Variants in WIPI2 observed in about 807,000 individuals in gnomAD.
The protein encoded by WIPI2 is WD repeat domain phosphoinositide-interacting protein 2.
WIPI2 carries 28 observed loss-of-function variants against 52.3 expected under a neutral mutation model. The ratio of observed to expected loss-of-function variants is 0.54; its 90% confidence interval spans 0.40 to 0.73. The LOEUF (loss-of-function observed/expected upper bound fraction) is 0.73. Among genes scored for constraint, WIPI2 ranks in the 30% least tolerant of loss-of-function variants. The probability of loss-of-function intolerance (pLI) is 0.00; values close to 1 mark genes in which losing one functional copy is unlikely to be tolerated. For missense variants in WIPI2, 506 were observed against 602.9 expected (o/e 0.84, Z 1.68); for synonymous variants, 268 against 245.0 (o/e 1.09, Z -0.88).
Position 5,190,475 on chromosome 7 carries a change from A to G in WIPI2, c.56A>G (p.Asn19Ser), listed in dbSNP as rs762599939. 1.1e-5 allele frequency: 16 copies of G among 1,512,496 alleles called. No individual in the cohort carries two copies. The highest frequency in any genetic ancestry group is 8.5e-5 in the East Asian group (3 of 35,356). 93.7% of individuals were successfully genotyped at this position (1,512,496 alleles called of 1,614,324 possible). The change falls in exon 1 of 13, where the codon AAC (asparagine) becomes AGC (serine). Residue 19 changes from asparagine to serine, a missense_variant. Asn to Ser is a conservative substitution (Grantham distance 46, BLOSUM62 1). This residue lies in a region of WIPI2 where 15 missense variants were observed against 31.3 expected (regional missense o/e 0.48). Coordinates refer to ENST00000288828, the MANE Select transcript of WIPI2 (RefSeq NM_015610.4). ...GGCGCCGGCCAGCTGCTCTTCGCCA[A>G]CTTCAACCAGGACAACACGTAAGGC... is the stretch of plus-strand genomic sequence containing the variant. ...EAGAGQLLFA[N>S]FNQDNTEVKG...
chr7:5,219,063 TCA>T (rs754249677), intron 7 of WIPI2: 6 of 152,250 alleles, frequency 3.9e-5, no homozygotes, highest in Non-Finnish European at 7.3e-5. Context: ...TTCTTCAGTC[TCA>T]CACCCGAGTT....
intron 3 of WIPI2, among the ~76,000 whole-genome samples, chr7:5,202,778 C>T (rs554832747): frequency 2.6e-5 from 4 of 152,210 alleles, no homozygotes; most frequent in South Asian, 2.1e-4. Flanking sequence ...TTTTTGTTGT[C>T]GTCATTTTTT....
In WIPI2 at chr7:5,227,182, C is replaced by T. The variant is rs758960661; in HGVS notation, c.851C>T (p.Pro284Leu). 9 of 1,613,794 alleles carry T rather than the reference C, an allele frequency of 5.6e-6. No individual in the cohort carries two copies. The highest frequency in any genetic ancestry group is 2.2e-5 in the East Asian group (1 of 44,882). ...TGTCTGGTGGCCTTTCCTTCCAGAC[C>T]CCCAGAGGAGCCCACCACCTGGACC... ...IFKLETVKEKPPEEPTTWTGY... is the reference protein window; with the variant it reads ...IFKLETVKEKLPEEPTTWTGY... The change falls in exon 10 of 13, where the codon CCC becomes CTC. Residue 284 changes from proline (P) to leucine (L), a missense_variant and splice_region_variant. Pro to Leu is a moderately conservative substitution (Grantham distance 98). Transcript: ENST00000288828. This position sits in a 1 kb window ranked among gnomAD's most constrained non-coding sequence, Gnocchi z 8.1.
In WIPI2 at chr7:5,227,136, C is replaced by A. The variant is rs1037397124; in HGVS notation, c.849-44C>A. 6.2e-7 allele frequency: 1 copy of A among 1,611,084 alleles called. No homozygotes were observed. Among genetic ancestry groups the A allele is most frequent in the Non-Finnish European group, 8.5e-7 (1 of 1,178,686 alleles). On this transcript the variant is annotated intron_variant, in intron 9 of 12. Coordinates refer to ENST00000288828, the MANE Select transcript of WIPI2 (RefSeq NM_015610.4). The surrounding 1 kb of genome is among the most constrained non-coding windows in gnomAD (Gnocchi z 8.1). Reference sequence around the variant, plus strand: ...TGTGAGTAGGGGGTGGCCGTCCCCCCAGGGAGGGTGCAGCTTCATGTGTCT... The same window carrying A: ...TGTGAGTAGGGGGTGGCCGTCCCCCAAGGGAGGGTGCAGCTTCATGTGTCT...
At chr7:5,225,159 G>C (rs1424718708) in intron 8 of WIPI2, among the ~76,000 whole-genome samples, 1 of 147,758 alleles carries the variant, frequency 6.8e-6, no homozygotes, top group African/African-American at 2.5e-5. Context: ...TTAAATAATT[G>C]AGACAGAGTC....
At chr7:5,224,912 AC>A (rs1470600173) in intron 8 of WIPI2, among the ~76,000 whole-genome samples, 19 of 152,066 alleles carry the variant, frequency 1.2e-4, no homozygotes, top group African/African-American at 4.6e-4. Flanking sequence ...CACCTCCCTG[AC>A]CCCACCCCCA....
At chr7:5,210,600 T>C (rs1316855503) in intron 3 of WIPI2, among the ~76,000 whole-genome samples, 3 of 152,362 alleles carry the variant, frequency 2.0e-5, no homozygotes, top group Admixed American at 2.0e-4. Flanking sequence ...TCTCTACTGG[T>C]GTAGGATCTG....
chr7:5,225,576 G>A (rs1783387662), intron 8 of WIPI2, among the ~76,000 whole-genome samples: 1 of 152,234 alleles, frequency 6.6e-6, no homozygotes, highest in Non-Finnish European at 1.5e-5. Context: ...GCTAAAAGTG[G>A]TTTAGTGAAA....
chr7:5,222,659 A>G lies in WIPI2; in HGVS notation c.727A>G (p.Arg243Gly). 6.2e-7 allele frequency: 1 copy of G among 1,613,814 alleles called. No individual in the cohort carries two copies. Among genetic ancestry groups the G allele is most frequent in the Non-Finnish European group, 8.5e-7 (1 of 1,179,816 alleles). The change falls in exon 8 of 13, where the codon AGA (arginine) becomes GGA (glycine). Residue 243 changes from arginine to glycine, a missense_variant. Arg to Gly is a moderately radical substitution (Grantham distance 125). Around this residue, in one of 4 missense-constraint regions of WIPI2, gnomAD observed 237 missense variants for 346.9 expected, o/e 0.68. Coordinates refer to ENST00000288828, the MANE Select transcript of WIPI2 (RefSeq NM_015610.4). ...AGGACAAAAACTCTTTGAGTTTCGG[A>G]GAGGAGTAAAGAGGTAAAGTACGTG... is the stretch of plus-strand genomic sequence containing the variant. ...PEGQKLFEFR[R>G]GVKRCVSICS... is the part of the protein sequence containing the mutation.
intron 7 of WIPI2, among the ~76,000 whole-genome samples, chr7:5,221,124 C>T (rs1409915381): frequency 1.3e-5 from 2 of 151,950 alleles, no homozygotes; most frequent in Non-Finnish European, 2.9e-5. Context: ...CCACCATGCC[C>T]AGCTAATTTT....
At chr7:5,216,836 A>G (rs1248861346) in intron 5 of WIPI2, 177 bp downstream of exon 5, 1 of 711,034 alleles carries the variant, frequency 1.4e-6, no homozygotes, top group Non-Finnish European at 2.3e-6. Flanking sequence ...ACATAAGCTC[A>G]TTGGTTTGAT....
intron 9 of WIPI2, chr7:5,226,164 C>T (rs970167742): frequency 5.8e-6 from 3 of 515,580 alleles, no homozygotes; most frequent in South Asian, 4.5e-5. Flanking sequence ...AGAGCCCTCG[C>T]GTAGGGCATG....
intron 8 of WIPI2, among the ~76,000 whole-genome samples, chr7:5,224,634 G>A (rs1215880079): frequency 6.6e-6 from 1 of 152,212 alleles, no homozygotes; most frequent in Non-Finnish European, 1.5e-5. Flanking sequence ...TGAAATGTTA[G>A]GGAGTCGGAG....
chr7:5,215,587 G>C (rs1293660057), intron 4 of WIPI2, among the ~76,000 whole-genome samples: 4 of 152,258 alleles, frequency 2.6e-5, no homozygotes, highest in Non-Finnish European at 4.4e-5. Flanking sequence ...GCTGCTGGCT[G>C]TAGAGTGGAC....
Position 5,231,047 on chromosome 7 carries a change from G to T in WIPI2, c.*100G>T. ...AACTTTGACCTGAGTCGGGGGAGAGGATGGCAGAGACTTTATTAAAAAAAA... is the reference window on the plus strand; with the variant it reads ...AACTTTGACCTGAGTCGGGGGAGAGTATGGCAGAGACTTTATTAAAAAAAA... On this transcript the variant is annotated 3_prime_UTR_variant, in exon 13 of 13. Coordinates refer to ENST00000288828, the MANE Select transcript of WIPI2 (RefSeq NM_015610.4). 1 of 892,666 alleles carries T rather than the reference G, an allele frequency of 1.1e-6. No homozygotes were observed. Among genetic ancestry groups the T allele is most frequent in the Non-Finnish European group, 1.6e-6 (1 of 617,372 alleles). The allele number at this position is 892,666 out of a possible 1,614,324, so 55.3% of individuals were successfully genotyped here.
intron 8 of WIPI2, among the ~76,000 whole-genome samples, chr7:5,225,425 G>C (rs1783381326): frequency 6.6e-6 from 1 of 152,156 alleles, no homozygotes; most frequent in African/African-American, 2.4e-5. Flanking sequence ...ACAAGCTTGA[G>C]CCACCGTGCC....
chr7:5,204,213 T>C (rs1257662887), intron 3 of WIPI2, among the ~76,000 whole-genome samples: 2 of 152,164 alleles, frequency 1.3e-5, no homozygotes, highest in Non-Finnish European at 2.9e-5. Context: ...ACGCCTGTTA[T>C]CCCAACACTT....
chr7:5,191,754 A>T (rs1028395786), intron 1 of WIPI2, among the ~76,000 whole-genome samples: 6 of 152,212 alleles, frequency 3.9e-5, no homozygotes, highest in Admixed American at 3.9e-4. Flanking sequence ...TGGAATTAAC[A>T]TAGCAGAAGG....
In WIPI2 at chr7:5,203,115, C is replaced by T. The variant is rs1292054386; in HGVS notation, c.211+3457C>T. 2.0e-5 allele frequency among the ~76,000 whole-genome samples: 3 copies of T among 152,184 alleles called. No individual in the cohort carries two copies. In the East Asian group the frequency reaches 5.8e-4, roughly 29 times the overall value. On this transcript the variant is annotated intron_variant, in intron 3 of 12. Coordinates refer to ENST00000288828, the MANE Select transcript of WIPI2 (RefSeq NM_015610.4). ...ACATATAACATCTTTTATCAACCTT[C>T]CTGCTTGGCCAAGAAACTAATCATT...
Sources: allele counts gnomAD v4.1 joint callset (sites outside exome capture counted in the v4.1 genomes callset), GRCh38; gene constraint gnomAD v4.1.1; regional missense constraint gnomAD v4.1.1; non-coding constraint Gnocchi (gnomAD v3.1); transcripts MANE v1.5; gene names NCBI Gene and HGNC (gene_info 2026-07-23, HGNC 2026-07-21).